TBC1D5: variants seen among roughly 807,000 people sequenced by gnomAD.
TBC1D5 encodes TBC1 domain family member 5.
TBC1D5 carries 75 observed loss-of-function variants against 100.3 expected under a neutral mutation model. The observed-to-expected ratio is 0.75, with a 90% CI of 0.62 to 0.91. The LOEUF (loss-of-function observed/expected upper bound fraction) is 0.91, where lower values mean the gene tolerates loss of function less well. Ranked by LOEUF, TBC1D5 falls within the 40% of genes least tolerant of loss-of-function variation. The pLI is 0.00. For missense variants in TBC1D5, 910 were observed against 942.4 expected (o/e 0.97, Z 0.45); for synonymous variants, 323 against 325.6 (o/e 0.99, Z 0.09).
At chr3:17,555,800 C>T (rs1008706086) in intron 2 of TBC1D5, among the ~76,000 whole-genome samples, 1 of 152,134 alleles carries the variant, frequency 6.6e-6, no homozygotes, top group African/African-American at 2.4e-5. Flanking sequence ...GTCTTCTAAT[C>T]TCTATTTTAA....
chr3:17,312,163 A>C (rs1253974619), intron 13 of TBC1D5, among the ~76,000 whole-genome samples: 2 of 152,132 alleles, frequency 1.3e-5, no homozygotes, highest in Non-Finnish European at 2.9e-5. Flanking sequence ...TAAAATTGCA[A>C]GTAAACACTG....
At chr3:17,586,832 C>T (rs983830068) in intron 2 of TBC1D5, among the ~76,000 whole-genome samples, 1 of 151,986 alleles carries the variant, frequency 6.6e-6, no homozygotes, top group Admixed American at 6.6e-5. Context: ...AAACATCAGG[C>T]TTCACTATAA....
intron 1 of TBC1D5, among the ~76,000 whole-genome samples, chr3:17,650,376 G>C (rs2065428156): frequency 6.6e-6 from 1 of 152,140 alleles, no homozygotes; most frequent in Non-Finnish European, 1.5e-5. Flanking sequence ...GAGGTGGTCA[G>C]AAATGGCTGG....
At chr3:17,161,606 G>A (rs928882056) in intron 21 of TBC1D5, among the ~76,000 whole-genome samples, 4 of 152,260 alleles carry the variant, frequency 2.6e-5, no homozygotes, top group Non-Finnish European at 4.4e-5. Context: ...CCCTACCAGC[G>A]TCATGTGGGA....
At chr3:17,371,121 C>A (rs1413115924) in intron 13 of TBC1D5, among the ~76,000 whole-genome samples, 1 of 151,756 alleles carries the variant, frequency 6.6e-6, no homozygotes, top group Non-Finnish European at 1.5e-5. Context: ...AAGGAGTGAG[C>A]ATCTCCCTGT....
chr3:17,211,292 G>A (rs1306475554), intron 18 of TBC1D5, among the ~76,000 whole-genome samples: 1 of 152,218 alleles, frequency 6.6e-6, no homozygotes, highest in Non-Finnish European at 1.5e-5. Flanking sequence ...CTTTTGCCTA[G>A]AGAAAACCCT....
chr3:17,665,511 G>A (rs2067166611), intron 1 of TBC1D5, among the ~76,000 whole-genome samples: 1 of 152,146 alleles, frequency 6.6e-6, no homozygotes, highest in African/African-American at 2.4e-5. Context: ...TAATTTGGAT[G>A]GGGTCTAGCA....
intron 3 of TBC1D5, among the ~76,000 whole-genome samples, chr3:17,504,835 T>G (rs979319280): frequency 1.3e-5 from 2 of 152,192 alleles, no homozygotes; most frequent in Non-Finnish European, 2.9e-5. Flanking sequence ...CCACCTCTAC[T>G]ATATGGAAAA....
chr3:17,645,202 G>A (rs1053545881), intron 1 of TBC1D5, among the ~76,000 whole-genome samples: 29 of 152,180 alleles, frequency 1.9e-4, no homozygotes, highest in Non-Finnish European at 3.4e-4. Flanking sequence ...GAAAGAAATT[G>A]GTTATGCAAT....
chr3:17,506,411 A>G (rs1470036062), intron 3 of TBC1D5, among the ~76,000 whole-genome samples: 2 of 152,218 alleles, frequency 1.3e-5, no homozygotes, highest in Non-Finnish European at 2.9e-5. Flanking sequence ...TGTTTTGTAT[A>G]TATTTTTAAC....
At chr3:17,308,181 TA>T (rs776143319) in intron 13 of TBC1D5, 47 bp from the exon 14 acceptor site, 8 of 1,501,082 alleles carry the variant, frequency 5.3e-6, no homozygotes, top group Non-Finnish European at 6.2e-6. Flanking sequence ...CTTTTGAGAA[TA>T]AAGAGTGATC....
intron 4 of TBC1D5, among the ~76,000 whole-genome samples, chr3:17,409,271 C>A (rs1341580001): frequency 1.3e-5 from 2 of 152,078 alleles, no homozygotes; most frequent in African/African-American, 4.8e-5. Flanking sequence ...GATCAGTGAT[C>A]TCTGATGTTA....
chr3:17,543,029 C>T (rs1404314570), intron 2 of TBC1D5, among the ~76,000 whole-genome samples: 1 of 151,908 alleles, frequency 6.6e-6, no homozygotes, highest in Non-Finnish European at 1.5e-5. Flanking sequence ...AAACACTGAA[C>T]CTAACCTAAT....
intron 1 of TBC1D5, among the ~76,000 whole-genome samples, chr3:17,679,117 G>A (rs959973534): frequency 2.1e-4 from 31 of 149,748 alleles, no homozygotes; most frequent in Non-Finnish European, 4.3e-4. Context: ...CCACGGATAT[G>A]AACAAAGTAA....
Position 17,486,531 on chromosome 3 carries a change from A to C in TBC1D5, c.97+21943T>G, listed in dbSNP as rs144100194. 6.9e-3 allele frequency among the ~76,000 whole-genome samples: 1,058 copies of C among 152,324 alleles called. 14 individuals carry two copies. Among genetic ancestry groups the C allele is most frequent in the African/African-American group, 0.024 (1,015 of 41,576 alleles). On this transcript the variant is annotated intron_variant, in intron 3 of 21. Coordinates refer to ENST00000253692, the Ensembl canonical transcript of TBC1D5. ...AGTCTCTTCACAGTACATGAGTAGT[A>C]GTGACACCAATAATGTCAGAGCAGG...
At chr3:17,319,686 T>C (rs1046396845) in intron 13 of TBC1D5, among the ~76,000 whole-genome samples, 9 of 151,974 alleles carry the variant, frequency 5.9e-5, no homozygotes, top group South Asian at 2.1e-4. Context: ...CTGGCTAACA[T>C]GGTGAAACCC....
At chr3:17,636,885 A>T (rs2063989563) in intron 1 of TBC1D5, among the ~76,000 whole-genome samples, 1 of 152,180 alleles carries the variant, frequency 6.6e-6, no homozygotes, top group Non-Finnish European at 1.5e-5. Flanking sequence ...TGACCTACTC[A>T]AGGATATGTG....
intron 18 of TBC1D5, among the ~76,000 whole-genome samples, chr3:17,212,625 CCAGGGGGA>C (rs1422275020): frequency 2.0e-5 from 3 of 151,982 alleles, no homozygotes; most frequent in Non-Finnish European, 2.9e-5. Flanking sequence ...CAAAGACCCT[CCAGGGGGA>C]CAAAACGTGG....
intron 1 of TBC1D5, among the ~76,000 whole-genome samples, chr3:17,724,283 T>C (rs1170319055): frequency 1.3e-5 from 2 of 152,040 alleles, no homozygotes; most frequent in East Asian, 3.9e-4. Context: ...TTTGTAGAGA[T>C]GGGGTCTTAC....
Sources: gnomAD v4.1 joint callset for allele counts (sites outside exome capture counted in the v4.1 genomes callset) on GRCh38, gnomAD v4.1.1 for gene constraint, MANE v1.5 for transcripts, NCBI Gene and HGNC (gene_info 2026-07-23, HGNC 2026-07-21) for gene names.